Variants in KLHL2 observed in about 807,000 individuals in gnomAD.
KLHL2 encodes kelch-like protein 2.
KLHL2 carries 15 observed loss-of-function variants against 75.8 expected under a neutral mutation model. The observed-to-expected ratio is 0.20, with a 90% confidence interval of 0.13 to 0.30. The LOEUF (loss-of-function observed/expected upper bound fraction) is 0.30, where lower values mean the gene tolerates loss of function less well. KLHL2 is among the 10% of genes least tolerant of loss of function. The pLI is 1.00. For missense variants in KLHL2, 381 were observed against 741.0 expected (o/e 0.51, Z 5.64); for synonymous variants, 214 against 251.9 (o/e 0.85, Z 1.42).
intron 1 of KLHL2, 171 bp from the exon 2 acceptor site, chr4:165,219,763 G>C: frequency 7.5e-7 from 1 of 1,332,502 alleles, no homozygotes; most frequent in South Asian, 2.0e-5. Context: ...GTGTCCATCA[G>C]AAACTGTTCT....
intron 5 of KLHL2, among the ~76,000 whole-genome samples, chr4:165,272,502 T>G (rs1188673869): frequency 1.3e-5 from 2 of 152,364 alleles, no homozygotes; most frequent in East Asian, 3.9e-4. Context: ...TTTTGCTGCA[T>G]GAAACAATCA....
intron 12 of KLHL2, 28 bp from the exon 13 acceptor site, chr4:165,313,998 C>T (rs1403188298): frequency 1.3e-6 from 2 of 1,588,806 alleles, no homozygotes; most frequent in East Asian, 2.3e-5. Flanking sequence ...TCTTTTTGCC[C>T]CTCTATTTGG....
At chr4:165,233,492 A>G (rs2111065786) in intron 3 of KLHL2, among the ~76,000 whole-genome samples, 1 of 152,326 alleles carries the variant, frequency 6.6e-6, no homozygotes, top group East Asian at 1.9e-4. Context: ...CATATTGAAC[A>G]TGATTCAGTA....
chr4:165,259,169 C>A (rs958748527), intron 4 of KLHL2, among the ~76,000 whole-genome samples: 3 of 151,496 alleles, frequency 2.0e-5, no homozygotes, highest in African/African-American at 7.3e-5. Context: ...GTGGTCCGAT[C>A]TTGGCTCACT....
chr4:165,278,424 A>T, intron 5 of KLHL2: 1 of 1,466,092 alleles, frequency 6.8e-7, no homozygotes, highest in Non-Finnish European at 9.6e-7. Context: ...ATGGCATCCA[A>T]AATCTCTCGA....
chr4:165,281,379 G>A (rs1358304446), intron 5 of KLHL2, among the ~76,000 whole-genome samples: 7 of 149,682 alleles, frequency 4.7e-5, no homozygotes, highest in Non-Finnish European at 8.9e-5. Context: ...GCAGTGGTGC[G>A]ATCTCGGCTC....
chr4:165,308,708 G>C (rs369101025), intron 9 of KLHL2, among the ~76,000 whole-genome samples: 4 of 152,248 alleles, frequency 2.6e-5, no homozygotes, highest in Admixed American at 6.5e-5. Context: ...GGTAGAGAAA[G>C]GAAAATGAAA....
chr4:165,225,981 A>G (rs1475332906), intron 2 of KLHL2, among the ~76,000 whole-genome samples: 7 of 152,214 alleles, frequency 4.6e-5, no homozygotes, highest in Admixed American at 2.6e-4. Flanking sequence ...AGCAGGTATT[A>G]TGTTAGAAGG....
intron 5 of KLHL2, among the ~76,000 whole-genome samples, chr4:165,276,661 G>A (rs1447375551): frequency 6.6e-6 from 1 of 152,086 alleles, no homozygotes; most frequent in Non-Finnish European, 1.5e-5. Context: ...CATTTATAAT[G>A]ATAAACCTTT....
At chr4:165,297,748 T>TG (rs1745023680) in intron 7 of KLHL2, 23 bp downstream of exon 7, 1 of 1,357,912 alleles carries the variant, frequency 7.4e-7, no homozygotes, top group Non-Finnish European at 1.1e-6. Context: ...GCAAAACATA[T>TG]GAATCCACAC....
At chr4:165,277,147 A>G (rs1187486493) in intron 5 of KLHL2, among the ~76,000 whole-genome samples, 8 of 152,170 alleles carry the variant, frequency 5.3e-5, no homozygotes, top group Non-Finnish European at 4.4e-5. Context: ...TGGTTCACTT[A>G]AGACCAGCCC....
intron 5 of KLHL2, chr4:165,278,458 T>A (rs757199422): frequency 1.0e-4 from 158 of 1,551,286 alleles, no homozygotes; most frequent in Middle Eastern, 3.3e-4. Context: ...CAGCTTCTAA[T>A]GCAGCAAAAG....
chr4:165,281,733 G>A (rs1158811912), intron 5 of KLHL2, among the ~76,000 whole-genome samples: 3 of 152,092 alleles, frequency 2.0e-5, no homozygotes, highest in African/African-American at 7.2e-5. Context: ...AGAGTAATGA[G>A]CATATATGTT....
At position 165,233,109 on chromosome 4, in the gene KLHL2, G is replaced by C. The variant is rs192436136; in HGVS notation, c.259+4196G>C. Among the ~76,000 whole-genome samples, 652 of 152,042 alleles carry C rather than the reference G, an allele frequency of 4.3e-3. 5 individuals are homozygous for C. Among genetic ancestry groups the C allele is most frequent in the African/African-American group, 0.015 (626 of 41,454 alleles). ...TTTAATCTCATAAACTGTAGGTGAA[G>C]TTTTCATTTAAATTATGTCACCTAA... On this transcript the variant is annotated intron_variant, in intron 3 of 14. Coordinates refer to ENST00000226725, the MANE Select transcript of KLHL2 (RefSeq NM_007246.4).
chr4:165,257,980 A>G (rs189173868), intron 4 of KLHL2, among the ~76,000 whole-genome samples: 1,923 of 152,166 alleles, frequency 0.013, 19 homozygotes, highest in Admixed American at 0.037. Context: ...CAGGGTTCTC[A>G]TGATTTTAGA....
At chr4:165,211,178 GAAAA>G (rs1380426085) in intron 1 of KLHL2, among the ~76,000 whole-genome samples, 1 of 151,828 alleles carries the variant, frequency 6.6e-6, no homozygotes, top group African/African-American at 2.4e-5. Flanking sequence ...ATTAAAAAAA[GAAAA>G]AAACAATTGA....
At position 165,207,768 on chromosome 4, in the gene KLHL2, G is replaced by A. The variant is rs1736925510; in HGVS notation, c.-109G>A. ...GTGAGGAGAGCGCGGCGCCCCCTCC[G>A]GGGCGGATGGAACGCGGCTCGGCGG... On this transcript the variant is annotated 5_prime_UTR_variant, in exon 1 of 15. Coordinates refer to ENST00000226725, the MANE Select transcript of KLHL2 (RefSeq NM_007246.4). The surrounding 1 kb of genome is among the most constrained non-coding windows in gnomAD (Gnocchi z 4.2). 3 of 993,534 alleles carry A rather than the reference G, an allele frequency of 3.0e-6. No individual in the cohort carries two copies. The Admixed American group carries it at 8.5e-5, about 28-fold the overall frequency. 61.5% of individuals were successfully genotyped at this position (993,534 alleles called of 1,614,324 possible).
intron 1 of KLHL2, among the ~76,000 whole-genome samples, chr4:165,212,247 C>T (rs1305140292): frequency 6.6e-6 from 1 of 152,000 alleles, no homozygotes; most frequent in African/African-American, 2.4e-5. Context: ...AGTAGTATTA[C>T]AGTAAACAAA....
chr4:165,248,494 C>T (rs1299364717), intron 4 of KLHL2, among the ~76,000 whole-genome samples: 1 of 152,104 alleles, frequency 6.6e-6, no homozygotes, highest in Non-Finnish European at 1.5e-5. Context: ...GGAAGGTGAG[C>T]AGACACGTGC....
Sources: gnomAD v4.1 joint callset for allele counts (sites outside exome capture counted in the v4.1 genomes callset) on GRCh38, gnomAD v4.1.1 for gene constraint, Gnocchi (gnomAD v3.1) non-coding constraint, MANE v1.5 for transcripts, NCBI Gene and HGNC (gene_info 2026-07-23, HGNC 2026-07-21) for gene names.